Variants in ERBB4 observed in about 807,000 individuals in gnomAD.
The protein encoded by ERBB4 is receptor tyrosine-protein kinase erbB-4.
A neutral mutation model predicts 158.0 loss-of-function variants in ERBB4; 42 were observed. The observed-to-expected ratio is 0.27, with a 90% CI of 0.21 to 0.34. The LOEUF (loss-of-function observed/expected upper bound fraction) is 0.34. Among genes scored for constraint, ERBB4 ranks in the 10% least tolerant of loss-of-function variants. The pLI is 1.00. For missense variants in ERBB4, 1,333 were observed against 1,624.1 expected, an observed-to-expected ratio of 0.82 and a Z score of 3.08; for synonymous variants, 583 against 558.7, an observed-to-expected ratio of 1.04 and a Z score of -0.61.
chr2:211,996,981 T>G (rs1019707374), intron 2 of ERBB4, among the ~76,000 whole-genome samples: 1 of 152,180 alleles, frequency 6.6e-6, no homozygotes. Flanking sequence ...CGATGAGGAC[T>G]AAAGGTTTGT....
At chr2:212,268,606 T>C (rs2085234206) in intron 1 of ERBB4, among the ~76,000 whole-genome samples, 1 of 151,920 alleles carries the variant, frequency 6.6e-6, no homozygotes, top group Non-Finnish European at 1.5e-5. Context: ...AAGGTTTGGA[T>C]AGCAAGTACT....
intron 19 of ERBB4, among the ~76,000 whole-genome samples, chr2:211,587,965 A>T (rs1020028077): frequency 6.6e-6 from 1 of 152,192 alleles, no homozygotes. Flanking sequence ...CCAAAGTTCT[A>T]GCAATAAGGA....
chr2:212,322,857 T>C (rs1049475784), intron 1 of ERBB4, among the ~76,000 whole-genome samples: 1 of 150,436 alleles, frequency 6.6e-6, no homozygotes, highest in Non-Finnish European at 1.5e-5. Flanking sequence ...AGCACCAGAA[T>C]AGTGTTTCAT....
intron 20 of ERBB4, among the ~76,000 whole-genome samples, chr2:211,529,805 C>T (rs768763727): frequency 2.0e-5 from 3 of 151,924 alleles, no homozygotes; most frequent in Non-Finnish European, 4.4e-5. Context: ...AATCCTTTCA[C>T]GAATACCCTG....
At chr2:211,787,681 G>A (rs1482891107) in intron 4 of ERBB4, among the ~76,000 whole-genome samples, 2 of 152,094 alleles carry the variant, frequency 1.3e-5, no homozygotes, top group Non-Finnish European at 2.9e-5. Context: ...TTGTCTCAAT[G>A]GGATATGGGT....
At chr2:212,513,808 T>C (rs1198902947) in intron 1 of ERBB4, among the ~76,000 whole-genome samples, 1 of 146,640 alleles carries the variant, frequency 6.8e-6, no homozygotes, top group African/African-American at 2.7e-5. Flanking sequence ...CGAGACTCCG[T>C]CTCAAAAAAT....
At chr2:212,395,995 A>T (rs969495619) in intron 1 of ERBB4, among the ~76,000 whole-genome samples, 2 of 152,136 alleles carry the variant, frequency 1.3e-5, no homozygotes, top group African/African-American at 2.4e-5. Flanking sequence ...CGAGAGTCTT[A>T]TATAGGAGTG....
In ERBB4 at chr2:211,868,837, A is replaced by G. The variant is rs552399415; in HGVS notation, c.421+78593T>C. Among the ~76,000 whole-genome samples, 92 of 152,220 alleles carry G rather than the reference A, an allele frequency of 6.0e-4. 2 individuals are homozygous for G. The South Asian group carries it at 0.018, about 30-fold the overall frequency. ...CAATATTTTTCTGACTCAATTTTTCATTGATTTCTAAAATAATGCCTCAAA... is the reference window on the plus strand; with the variant it reads ...CAATATTTTTCTGACTCAATTTTTCGTTGATTTCTAAAATAATGCCTCAAA... On this transcript the variant is annotated intron_variant, in intron 3 of 27. Coordinates refer to ENST00000342788, the MANE Select transcript of ERBB4 (RefSeq NM_005235.3).
At chr2:212,402,639 A>C (rs556116960) in intron 1 of ERBB4, among the ~76,000 whole-genome samples, 152 of 152,224 alleles carry the variant, frequency 1.0e-3, no homozygotes, top group African/African-American at 3.5e-3. Context: ...TATTTATTAC[A>C]ACTGCATGTG....
At chr2:212,518,330 C>G (rs1691955285) in intron 1 of ERBB4, among the ~76,000 whole-genome samples, 1 of 152,094 alleles carries the variant, frequency 6.6e-6, no homozygotes, top group Non-Finnish European at 1.5e-5. Context: ...GTTCTTCCTT[C>G]ATAAAGCCGT....
chr2:211,684,901 C>G (rs149587471), intron 12 of ERBB4, among the ~76,000 whole-genome samples: 279 of 152,274 alleles, frequency 1.8e-3, no homozygotes, highest in African/African-American at 6.3e-3. Context: ...CTCAGGGAGA[C>G]AAATTTGAGG....
chr2:211,552,455 C>G (rs1205927143), intron 20 of ERBB4, among the ~76,000 whole-genome samples: 1 of 151,838 alleles, frequency 6.6e-6, no homozygotes, highest in Non-Finnish European at 1.5e-5. Flanking sequence ...GAGTATACAA[C>G]TTAATCAGGT....
At chr2:211,463,547 A>C (rs1026130194) in intron 20 of ERBB4, among the ~76,000 whole-genome samples, 1 of 152,122 alleles carries the variant, frequency 6.6e-6, no homozygotes, top group Non-Finnish European at 1.5e-5. Context: ...TGCTCTTTGG[A>C]AGCTGAAATG....
intron 1 of ERBB4, among the ~76,000 whole-genome samples, chr2:212,268,200 A>G (rs542271161): frequency 6.6e-6 from 1 of 152,048 alleles, no homozygotes; most frequent in South Asian, 2.1e-4. Context: ...TTTCACTGCA[A>G]TTCTCTGTAT....
At chr2:212,403,725 G>A (rs964243975) in intron 1 of ERBB4, among the ~76,000 whole-genome samples, 2 of 152,018 alleles carry the variant, frequency 1.3e-5, no homozygotes, top group African/African-American at 4.8e-5. Context: ...CCAGGGACTA[G>A]GGGCTTGGGG....
chr2:212,165,021 C>T (rs1350728748), intron 1 of ERBB4, among the ~76,000 whole-genome samples: 1 of 151,750 alleles, frequency 6.6e-6, no homozygotes, highest in African/African-American at 2.4e-5. Flanking sequence ...AATAAAAGAC[C>T]ATTTTTTTAA....
At chr2:212,259,790 C>T (rs1030051440) in intron 1 of ERBB4, among the ~76,000 whole-genome samples, 1 of 152,050 alleles carries the variant, frequency 6.6e-6, no homozygotes, top group African/African-American at 2.4e-5. Flanking sequence ...ACTACTTGGG[C>T]CTGGTGTGGT....
chr2:212,483,798 G>A (rs1575005598), intron 1 of ERBB4, among the ~76,000 whole-genome samples: 1 of 151,982 alleles, frequency 6.6e-6, no homozygotes. Flanking sequence ...GTGCAGTGGC[G>A]CGATCTCAGC....
At chr2:212,340,794 G>T (rs1312654597) in intron 1 of ERBB4, among the ~76,000 whole-genome samples, 1 of 152,092 alleles carries the variant, frequency 6.6e-6, no homozygotes, top group Admixed American at 6.6e-5. Flanking sequence ...ATGGCCTGGG[G>T]GTTGAGGACC....
Sources: gnomAD v4.1 joint callset for allele counts (sites outside exome capture counted in the v4.1 genomes callset) on GRCh38, gnomAD v4.1.1 for gene constraint, MANE v1.5 for transcripts, NCBI Gene and HGNC (gene_info 2026-07-23, HGNC 2026-07-21) for gene names.